Variants in NKAIN2 observed in about 807,000 individuals in gnomAD.
NKAIN2 encodes sodium/potassium-transporting ATPase subunit beta-1-interacting protein 2.
A neutral mutation model predicts 32.6 loss-of-function variants in NKAIN2; 14 were observed. The observed-to-expected ratio is 0.43, with a 90% CI of 0.28 to 0.67. NKAIN2 has a LOEUF of 0.67. Ranked by LOEUF, NKAIN2 falls within the 30% of genes least tolerant of loss-of-function variation. NKAIN2 has a pLI of 0.17. For missense variants in NKAIN2, 198 were observed against 258.3 expected, an observed-to-expected ratio of 0.77 and a Z score of 1.60; for synonymous variants, 80 against 87.2, an observed-to-expected ratio of 0.92 and a Z score of 0.46.
chr6:123,824,957 T>C (rs192088159), intron 1 of NKAIN2, among the ~76,000 whole-genome samples: 1 of 152,086 alleles, frequency 6.6e-6, no homozygotes, highest in Admixed American at 6.6e-5. Flanking sequence ...CTTAACCCAT[T>C]TGGGCTGCTG....
At chr6:124,505,074 C>T (rs1778424156) in intron 3 of NKAIN2, among the ~76,000 whole-genome samples, 1 of 152,106 alleles carries the variant, frequency 6.6e-6, no homozygotes, top group Non-Finnish European at 1.5e-5. Context: ...AAATCCATCC[C>T]TAAACCCTAT....
At chr6:124,180,393 C>T (rs937462296) in intron 1 of NKAIN2, among the ~76,000 whole-genome samples, 1 of 152,012 alleles carries the variant, frequency 6.6e-6, no homozygotes, top group African/African-American at 2.4e-5. Context: ...AATCAGCTCT[C>T]CTGAGACTTA....
At chr6:124,012,104 A>G (rs1304643800) in intron 1 of NKAIN2, among the ~76,000 whole-genome samples, 4 of 152,100 alleles carry the variant, frequency 2.6e-5, no homozygotes, top group African/African-American at 9.7e-5. Flanking sequence ...CCATGTTGAT[A>G]TATTCTTATG....
intron 3 of NKAIN2, among the ~76,000 whole-genome samples, chr6:124,556,061 C>A (rs1780462316): frequency 6.9e-6 from 1 of 144,284 alleles, no homozygotes; most frequent in Admixed American, 7.1e-5. Context: ...ATTATTTTGC[C>A]CATTATATTA....
chr6:124,100,025 C>A (rs562832241), intron 1 of NKAIN2, among the ~76,000 whole-genome samples: 1 of 152,278 alleles, frequency 6.6e-6, no homozygotes, highest in South Asian at 2.1e-4. Flanking sequence ...TAAAGACCTT[C>A]ATTCTTGTGA....
At chr6:124,708,703 T>C (rs1162085696) in intron 4 of NKAIN2, among the ~76,000 whole-genome samples, 2 of 152,156 alleles carry the variant, frequency 1.3e-5, no homozygotes, top group Non-Finnish European at 2.9e-5. Context: ...CCTGAGACTT[T>C]GCTGAAGTTG....
Position 124,265,699 on chromosome 6 carries a change from G to A in NKAIN2, c.55-17306G>A, listed in dbSNP as rs181778806. ...ACCATGATGCTACTCCATTCTCTAC[G>A]CATTTACAGGGCTGTAATTACGTAT... On this transcript the variant is annotated intron_variant, in intron 1 of 6. Transcript: ENST00000368417. Among the ~76,000 whole-genome samples, 84 of 152,206 alleles carry A rather than the reference G, an allele frequency of 5.5e-4. 1 individual carries two copies. The highest frequency in any genetic ancestry group is 3.5e-3 in the Admixed American group (53 of 15,268).
intron 3 of NKAIN2, among the ~76,000 whole-genome samples, chr6:124,371,807 A>T (rs1799777177): frequency 6.6e-6 from 1 of 151,802 alleles, no homozygotes; most frequent in Non-Finnish European, 1.5e-5. Context: ...TGTAAATGTG[A>T]TTTATGAGGG....
intron 1 of NKAIN2, among the ~76,000 whole-genome samples, chr6:124,202,731 C>G (rs113136816): frequency 6.6e-6 from 1 of 151,886 alleles, no homozygotes; most frequent in African/African-American, 2.4e-5. Context: ...CACGTTACCC[C>G]TAAAATGCCT....
intron 6 of NKAIN2, among the ~76,000 whole-genome samples, chr6:124,819,919 G>A (rs1323929208): frequency 6.6e-6 from 1 of 152,156 alleles, no homozygotes; most frequent in East Asian, 1.9e-4. Context: ...ATCCAAATAT[G>A]ATATGTATTT....
chr6:124,366,708 G>A (rs370398743), intron 3 of NKAIN2, among the ~76,000 whole-genome samples: 9 of 152,058 alleles, frequency 5.9e-5, no homozygotes, highest in African/African-American at 2.2e-4. Context: ...AGGCTGAGGT[G>A]GGTGGATCAC....
chr6:123,868,807 G>T (rs1034481358), intron 1 of NKAIN2, among the ~76,000 whole-genome samples: 1 of 152,084 alleles, frequency 6.6e-6, no homozygotes, highest in Non-Finnish European at 1.5e-5. Flanking sequence ...CTTGTACTCA[G>T]AACTCTGCAT....
intron 3 of NKAIN2, among the ~76,000 whole-genome samples, chr6:124,524,175 G>A (rs947379492): frequency 1.3e-5 from 2 of 152,114 alleles, no homozygotes. Flanking sequence ...CAGTGACTAG[G>A]CTATTAAAAA....
intron 1 of NKAIN2, among the ~76,000 whole-genome samples, chr6:123,924,427 A>T (rs1403268741): frequency 6.6e-6 from 1 of 152,234 alleles, no homozygotes; most frequent in Non-Finnish European, 1.5e-5. Flanking sequence ...CAGTTTCCTC[A>T]TCTGTAACAA....
chr6:123,825,505 G>T (rs768879228), intron 1 of NKAIN2, among the ~76,000 whole-genome samples: 6 of 152,074 alleles, frequency 3.9e-5, no homozygotes, highest in Non-Finnish European at 8.8e-5. Flanking sequence ...CTGAAAGGAT[G>T]CTACCTCACC....
chr6:124,325,762 T>C (rs917637788), intron 2 of NKAIN2, among the ~76,000 whole-genome samples: 3 of 152,106 alleles, frequency 2.0e-5, no homozygotes, highest in Non-Finnish European at 4.4e-5. Flanking sequence ...TAGAAATGTT[T>C]TATGTCCTAA....
chr6:124,187,782 C>A (rs754920841), intron 1 of NKAIN2, among the ~76,000 whole-genome samples: 4 of 152,172 alleles, frequency 2.6e-5, no homozygotes, highest in Non-Finnish European at 2.9e-5. Flanking sequence ...GCCATACCTT[C>A]TTTTTCCTCT....
intron 1 of NKAIN2, among the ~76,000 whole-genome samples, chr6:124,034,078 GT>G (rs1781511313): frequency 6.6e-6 from 1 of 151,900 alleles, no homozygotes. Context: ...TGTTTTGAGG[GT>G]TTGTGTTAGC....
chr6:124,573,392 T>A (rs1354057616), intron 3 of NKAIN2, among the ~76,000 whole-genome samples: 1 of 152,066 alleles, frequency 6.6e-6, no homozygotes, highest in African/African-American at 2.4e-5. Context: ...ACCTGCTGAT[T>A]CCCTCTCTCC....
Sources: gnomAD v4.1 joint callset for allele counts (sites outside exome capture counted in the v4.1 genomes callset) on GRCh38, gnomAD v4.1.1 for gene constraint, MANE v1.5 for transcripts, NCBI Gene and HGNC (gene_info 2026-07-23, HGNC 2026-07-21) for gene names.